Variants in KCNK2 observed in about 807,000 individuals in gnomAD.
KCNK2 encodes potassium two pore domain channel subfamily K member 2, also known as potassium channel subfamily K member 2.
KCNK2 carries 21 observed loss-of-function variants against 40.5 expected under a neutral mutation model. The observed-to-expected ratio is 0.52, with a 90% CI of 0.37 to 0.75. The LOEUF (loss-of-function observed/expected upper bound fraction) is 0.75. Among genes scored for constraint, KCNK2 ranks in the 30% least tolerant of loss-of-function variants. The probability of loss-of-function intolerance (pLI) is 0.00; values close to 1 mark genes in which losing one functional copy is unlikely to be tolerated. For synonymous variants in KCNK2, 191 were observed against 202.2 expected, an observed-to-expected ratio of 0.94 and a Z score of 0.47; for missense variants, 399 against 531.6, an observed-to-expected ratio of 0.75 and a Z score of 2.45.
chr1:215,007,185 G>GTATA lies in KCNK2; in HGVS notation c.34+1269_34+1272dup, dbSNP rs1162302568. On this transcript the variant is annotated intron_variant, in intron 1 of 6. Coordinates refer to the KCNK2 transcript ENST00000391895. Reference sequence around the variant, plus strand: ...TGTATATATATATGTATGTGTGTGGGTATATATATATATATATATATATAT... The same window carrying GTATA: ...TGTATATATATATGTATGTGTGTGGGTATATATATATATATATATATATATATAT... Among the ~76,000 whole-genome samples, 202 of 30,968 alleles carry GTATA rather than the reference G, an allele frequency of 6.5e-3. 12 individuals carry two copies. The highest frequency in any genetic ancestry group is 0.026 in the Middle Eastern group (1 of 38). 20.3% of individuals were successfully genotyped at this position (30,968 alleles called of 152,430 possible).
intron 6 of KCNK2, among the ~76,000 whole-genome samples, chr1:215,209,444 TAA>T (rs1269939226): frequency 3.0e-5 from 1 of 33,212 alleles, no homozygotes; most frequent in Non-Finnish European, 4.8e-5. Flanking sequence ...ATAAAATATA[TAA>T]TATATATTAT....
Position 215,143,920 on chromosome 1 carries a change from G to A in KCNK2, c.475+19170G>A, listed in dbSNP as rs532556553. ...AAAACACTTTCTACAAGTAAAAATC[G>A]TCACCTTTGGAAAATTACTGTCTAC... is the stretch of plus-strand genomic sequence containing the variant. On this transcript the variant is annotated intron_variant, in intron 3 of 6. Transcript: ENST00000444842. 5.3e-5 allele frequency among the ~76,000 whole-genome samples: 8 copies of A among 152,134 alleles called. 1 individual carries two copies. The highest frequency in any genetic ancestry group is 3.9e-4 in the East Asian group (2 of 5,158).
intron 6 of KCNK2, among the ~76,000 whole-genome samples, chr1:215,217,227 C>T (rs1461925439): frequency 6.6e-6 from 1 of 152,042 alleles, no homozygotes; most frequent in Non-Finnish European, 1.5e-5. Context: ...TATAAATGTC[C>T]ACCACCCACA....
intron 5 of KCNK2, among the ~76,000 whole-genome samples, chr1:215,176,619 G>A (rs1472596064): frequency 2.6e-5 from 4 of 152,092 alleles, no homozygotes; most frequent in African/African-American, 9.7e-5. Flanking sequence ...TTAGTTTGCT[G>A]AGGATAATGG....
At chr1:215,114,736 C>T (rs1660844811) in intron 2 of KCNK2, among the ~76,000 whole-genome samples, 1 of 152,104 alleles carries the variant, frequency 6.6e-6, no homozygotes, top group Admixed American at 6.6e-5. Context: ...GTTAGCAAGT[C>T]ATTAATAAAC....
chr1:215,085,578 C>G (rs904713647), intron 1 of KCNK2, among the ~76,000 whole-genome samples: 1 of 152,122 alleles, frequency 6.6e-6, no homozygotes, highest in East Asian at 1.9e-4. Context: ...GTGTGAGCCA[C>G]GGTTTTCATT....
chr1:215,082,577 G>T (rs1053408696), upstream of KCNK2, among the ~76,000 whole-genome samples: 1 of 152,140 alleles, frequency 6.6e-6, no homozygotes, highest in Non-Finnish European at 1.5e-5. Flanking sequence ...GAGCCAAGGG[G>T]TTGTGCCCCC....
At chr1:215,139,478 T>C (rs952631709) in intron 3 of KCNK2, among the ~76,000 whole-genome samples, 1 of 152,198 alleles carries the variant, frequency 6.6e-6, no homozygotes, top group African/African-American at 2.4e-5. Flanking sequence ...TTGCAATGGG[T>C]ATTTTTTAAA....
chr1:215,005,592 A>G (rs1656098971), upstream of KCNK2, among the ~76,000 whole-genome samples: 1 of 152,204 alleles, frequency 6.6e-6, no homozygotes, highest in Admixed American at 6.5e-5. Context: ...GCTCATTCAT[A>G]AGGAAGAAAC....
upstream of KCNK2, among the ~76,000 whole-genome samples, chr1:215,078,876 C>T (rs927472188): frequency 4.6e-5 from 7 of 152,302 alleles, no homozygotes; most frequent in South Asian, 4.1e-4. Context: ...TACCCACAGA[C>T]GTCTCTTTGA....
chr1:215,230,546 C>T (rs527303534), intron 6 of KCNK2, among the ~76,000 whole-genome samples: 19,493 of 114,362 alleles, frequency 0.17, 2,367 homozygotes, highest in Middle Eastern at 0.25. Context: ...TATATATACA[C>T]ACACATAACA....
intron 3 of KCNK2, among the ~76,000 whole-genome samples, chr1:215,150,924 T>C (rs1312816698): frequency 6.6e-6 from 1 of 152,018 alleles, no homozygotes; most frequent in Non-Finnish European, 1.5e-5. Flanking sequence ...TGGATATCAT[T>C]TTTCCTGATT....
intron 1 of KCNK2, among the ~76,000 whole-genome samples, chr1:215,063,102 G>A (rs556446458): frequency 6.6e-6 from 1 of 152,302 alleles, no homozygotes; most frequent in East Asian, 1.9e-4. Context: ...GGGTCAAGGA[G>A]TGAGAGAATG....
At chr1:215,032,715 G>C (rs978499000) in intron 1 of KCNK2, among the ~76,000 whole-genome samples, 3 of 151,890 alleles carry the variant, frequency 2.0e-5, no homozygotes, top group Non-Finnish European at 4.4e-5. Flanking sequence ...CTTTCTTCTT[G>C]TTTGCATGGT....
At chr1:215,136,252 T>C (rs901036052) in intron 3 of KCNK2, among the ~76,000 whole-genome samples, 1 of 151,974 alleles carries the variant, frequency 6.6e-6, no homozygotes, top group Non-Finnish European at 1.5e-5. Flanking sequence ...TGTGCCACCA[T>C]GTCCAGCTAA....
intron 1 of KCNK2, among the ~76,000 whole-genome samples, chr1:215,044,426 T>C (rs1657671845): frequency 1.3e-5 from 2 of 152,098 alleles, no homozygotes; most frequent in South Asian, 2.1e-4. Context: ...AATGATGTAA[T>C]TGATGAAAGT....
intron 6 of KCNK2, among the ~76,000 whole-genome samples, chr1:215,228,670 A>G (rs12755259): frequency 1.3e-5 from 2 of 152,212 alleles, no homozygotes; most frequent in Non-Finnish European, 2.9e-5. Context: ...ACACTATTTG[A>G]TTAAGTTGCT....
intron 6 of KCNK2, among the ~76,000 whole-genome samples, chr1:215,210,059 CACTA>C (rs1379526085): frequency 1.8e-5 from 1 of 55,814 alleles, no homozygotes; most frequent in Non-Finnish European, 3.2e-5. Context: ...TATATACACA[CACTA>C]TACAAATACA....
chr1:215,050,817 T>G (rs1657960374), intron 1 of KCNK2, among the ~76,000 whole-genome samples: 1 of 152,208 alleles, frequency 6.6e-6, no homozygotes, highest in African/African-American at 2.4e-5. Context: ...CTACTGCCGA[T>G]GTCCTCCAAG....
Sources: allele counts gnomAD v4.1 joint callset (sites outside exome capture counted in the v4.1 genomes callset), GRCh38; gene constraint gnomAD v4.1.1; transcripts MANE v1.5; gene names NCBI Gene and HGNC (gene_info 2026-07-23, HGNC 2026-07-21).